PTPRJ: variants seen among roughly 807,000 people sequenced by gnomAD.
PTPRJ encodes protein tyrosine phosphatase receptor type J.
PTPRJ carries 129 observed loss-of-function variants against 141.3 expected under a neutral mutation model. The ratio of observed to expected loss-of-function variants is 0.91; its 90% CI spans 0.79 to 1.06. The LOEUF (loss-of-function observed/expected upper bound fraction) is 1.06. Ranked by LOEUF, PTPRJ falls within the 50% of genes least tolerant of loss-of-function variation. PTPRJ has a pLI of 0.00. For synonymous variants in PTPRJ, 610 were observed against 640.5 expected (o/e 0.95, Z 0.72); for missense variants, 1,601 against 1,679.7 (o/e 0.95, Z 0.82).
chr11:48,040,574 C>A (rs1372411888), intron 1 of PTPRJ, among the ~76,000 whole-genome samples: 1 of 151,756 alleles, frequency 6.6e-6, no homozygotes, highest in Non-Finnish European at 1.5e-5. Flanking sequence ...CTGCTCACCT[C>A]TCCAGCTTCT....
intron 1 of PTPRJ, among the ~76,000 whole-genome samples, chr11:48,082,443 T>G: frequency 7.3e-6 from 1 of 137,092 alleles, no homozygotes; most frequent in African/African-American, 2.6e-5. Flanking sequence ...AGAGGCAGAG[T>G]CTTGCTCCGT....
chr11:47,997,603 A>T (rs1270295936), intron 1 of PTPRJ, among the ~76,000 whole-genome samples: 1 of 151,980 alleles, frequency 6.6e-6, no homozygotes, highest in Non-Finnish European at 1.5e-5. Flanking sequence ...GGAGTAACTG[A>T]TACTTTTCCT....
chr11:48,149,735 G>C (rs1284394462), intron 16 of PTPRJ: 3 of 538,186 alleles, frequency 5.6e-6, no homozygotes, highest in Non-Finnish European at 9.8e-6. Flanking sequence ...TTAAAAAAAC[G>C]TCAAATAGGT....
intron 1 of PTPRJ, among the ~76,000 whole-genome samples, chr11:47,996,841 G>A (rs1420727220): frequency 6.6e-6 from 1 of 152,222 alleles, no homozygotes; most frequent in East Asian, 1.9e-4. Flanking sequence ...GGAGATGGGG[G>A]TGCAGGGGTG....
intron 6 of PTPRJ, among the ~76,000 whole-genome samples, chr11:48,126,993 A>T (rs1856852751): frequency 1.3e-5 from 2 of 152,184 alleles, no homozygotes. Flanking sequence ...TCTGGAGCCC[A>T]GTGAGAGCTG....
chr11:48,067,307 G>A (rs907282761), intron 1 of PTPRJ, among the ~76,000 whole-genome samples: 1 of 152,166 alleles, frequency 6.6e-6, no homozygotes, highest in Admixed American at 6.5e-5. Context: ...GGACAATGGG[G>A]GGAAGGAAAG....
intron 3 of PTPRJ, among the ~76,000 whole-genome samples, chr11:48,118,171 C>T (rs1314533298): frequency 1.3e-5 from 2 of 152,202 alleles, no homozygotes; most frequent in Non-Finnish European, 2.9e-5. Context: ...GTAAGTTGAA[C>T]TCCTGGGCTG....
chr11:48,157,827 A>G (rs1857649782), intron 21 of PTPRJ, among the ~76,000 whole-genome samples: 1 of 152,246 alleles, frequency 6.6e-6, no homozygotes, highest in South Asian at 2.1e-4. Context: ...TCAGGAGAAT[A>G]GGCTGTAATA....
chr11:48,062,338 C>G (rs1012656240), intron 1 of PTPRJ, among the ~76,000 whole-genome samples: 1 of 151,922 alleles, frequency 6.6e-6, no homozygotes, highest in Non-Finnish European at 1.5e-5. Flanking sequence ...ACGGTGAAAC[C>G]CCGTCTCTAC....
At chr11:48,062,990 G>A (rs1854980500) in intron 1 of PTPRJ, among the ~76,000 whole-genome samples, 1 of 152,170 alleles carries the variant, frequency 6.6e-6, no homozygotes, top group Non-Finnish European at 1.5e-5. Context: ...TATCTTAGAT[G>A]TCCATTTAGT....
chr11:47,980,612 G>GGACCGGGTAGCCGC lies in PTPRJ; in HGVS notation c.-299_-286dup, dbSNP rs1176445734. 7 of 983,452 alleles carry GGACCGGGTAGCCGC rather than the reference G, an allele frequency of 7.1e-6. No homozygotes were observed. The highest frequency in any genetic ancestry group is 1.1e-4 in the East Asian group (1 of 8,810). The allele number at this position is 983,452 out of a possible 1,614,324, so 60.9% of individuals were successfully genotyped here. On this transcript the variant is annotated 5_prime_UTR_variant, in exon 1 of 25. An upstream open reading frame in the 5' UTR gains an earlier in-frame stop. Transcript: ENST00000418331. ...GCAGCGGGAGCAGCCGCGGGAGCCG[G>GGACCGGGTAGCCGC]GACCGGGTAGCCGCGCGCTGGGGGT...
rs1396935483 is a variant in PTPRJ at position 48,168,564 on chromosome 11, A to T, written c.*1202A>T. On this transcript the variant is annotated 3_prime_UTR_variant, in exon 25 of 25. Coordinates refer to ENST00000418331, the MANE Select transcript of PTPRJ (RefSeq NM_002843.4). ...TATATATATATATATATATATATAT[A>T]TATATATATATATATATACACTAAG... 1 of 124,816 alleles carries T rather than the reference A, an allele frequency of 8.0e-6. No homozygotes were observed. Among genetic ancestry groups the T allele is most frequent in the African/African-American group, 3.0e-5 (1 of 33,816 alleles). 7.7% of individuals were successfully genotyped at this position (124,816 alleles called of 1,614,324 possible).
At chr11:48,099,004 A>C (rs150547943) in intron 1 of PTPRJ, among the ~76,000 whole-genome samples, 7 of 152,320 alleles carry the variant, frequency 4.6e-5, no homozygotes, top group African/African-American at 1.7e-4. Context: ...GCCTGATGTT[A>C]TTTCGCTTAA....
At chr11:48,112,693 C>T in intron 2 of PTPRJ, 54 bp from the exon 3 acceptor site, 1 of 1,330,676 alleles carries the variant, frequency 7.5e-7, no homozygotes, top group Non-Finnish European at 1.1e-6. Context: ...GTGGGGCATC[C>T]CTGTCTCCTG....
At chr11:48,123,489 T>C in intron 4 of PTPRJ, 124 bp from the exon 5 acceptor site, 5 of 966,244 alleles carry the variant, frequency 5.2e-6, no homozygotes, top group Non-Finnish European at 7.5e-6. Context: ...GGGACATCAG[T>C]GACCTCAGTC....
chr11:48,110,490 C>T (rs957691977), intron 2 of PTPRJ, among the ~76,000 whole-genome samples: 5 of 152,156 alleles, frequency 3.3e-5, no homozygotes, highest in East Asian at 1.9e-4. Flanking sequence ...CGAGCCACCA[C>T]GCCCGGCCCC....
intron 1 of PTPRJ, among the ~76,000 whole-genome samples, chr11:48,044,070 C>T (rs1190176285): frequency 6.6e-6 from 1 of 152,208 alleles, no homozygotes; most frequent in Non-Finnish European, 1.5e-5. Flanking sequence ...AGGCTCTGGG[C>T]ATTTTTCCTC....
intron 1 of PTPRJ, among the ~76,000 whole-genome samples, chr11:48,007,330 C>T (rs890343804): frequency 4.0e-5 from 6 of 151,366 alleles, no homozygotes; most frequent in South Asian, 2.1e-4. Flanking sequence ...AGGTTGGTCT[C>T]GATCTCCTGA....
intron 15 of PTPRJ, among the ~76,000 whole-genome samples, chr11:48,148,293 C>T (rs1006248754): frequency 6.6e-5 from 10 of 152,186 alleles, no homozygotes; most frequent in African/African-American, 1.9e-4. Context: ...AATCTGCAAT[C>T]GCAGAACCCA....
Sources: allele counts gnomAD v4.1 joint callset (sites outside exome capture counted in the v4.1 genomes callset), GRCh38; gene constraint gnomAD v4.1.1; transcripts MANE v1.5; gene names NCBI Gene and HGNC (gene_info 2026-07-23, HGNC 2026-07-21).